Variants in TBL1X observed in about 807,000 individuals in gnomAD.
TBL1X encodes the protein transducin beta like 1 X-linked, also known as F-box-like/WD repeat-containing protein TBL1X.
TBL1X carries 10 observed loss-of-function variants against 50.7 expected under a neutral mutation model. That is an observed-to-expected ratio of 0.20 (90% CI 0.12 to 0.33). The LOEUF is 0.33. TBL1X is among the 10% of genes least tolerant of loss of function. TBL1X has a pLI of 1.00. For missense variants in TBL1X, 340 were observed against 504.4 expected (o/e 0.67, Z 3.12); for synonymous variants, 190 against 214.7 (o/e 0.88, Z 1.01).
intron 2 of TBL1X, among the ~76,000 whole-genome samples, chrX:9,557,108 G>C (rs1166352000): frequency 8.9e-6 from 1 of 112,051 alleles, no homozygotes. Flanking sequence ...TCAGGATGTG[G>C]ACACCTTGGG....
intron 2 of TBL1X, among the ~76,000 whole-genome samples, chrX:9,540,825 ACT>A (rs1832441840): frequency 8.9e-6 from 1 of 111,943 alleles, no homozygotes; most frequent in Non-Finnish European, 1.9e-5. Flanking sequence ...AGGAAATATT[ACT>A]CTTAGTTGGT....
At chrX:9,518,377 C>G (rs1192682083) in intron 2 of TBL1X, among the ~76,000 whole-genome samples, 1 of 111,975 alleles carries the variant, frequency 8.9e-6, no homozygotes, top group Non-Finnish European at 1.9e-5. Context: ...CTTGGACTTT[C>G]ACCTCTCCTG....
chrX:9,693,563 T>A, intron 11 of TBL1X, 144 bp downstream of exon 11: 1 of 594,546 alleles, frequency 1.7e-6, no homozygotes, highest in South Asian at 3.1e-5. Flanking sequence ...GCTTTGTTTT[T>A]GTGGTTTTGA....
At chrX:9,665,067 A>G (rs1569091435) in intron 5 of TBL1X, among the ~76,000 whole-genome samples, 1 of 109,348 alleles carries the variant, frequency 9.1e-6, no homozygotes, top group Non-Finnish European at 1.9e-5. Flanking sequence ...TGGCATTCTG[A>G]TTTCTTTGCC....
At chrX:9,573,442 G>T (rs1162792021) in intron 2 of TBL1X, among the ~76,000 whole-genome samples, 1 of 112,411 alleles carries the variant, frequency 8.9e-6, no homozygotes, top group Non-Finnish European at 1.9e-5. Flanking sequence ...CACTTTGCAC[G>T]CTGTAGCTAT....
At chrX:9,603,098 T>A (rs985525463) in intron 2 of TBL1X, among the ~76,000 whole-genome samples, 2 of 112,466 alleles carry the variant, frequency 1.8e-5, no homozygotes, top group African/African-American at 6.5e-5. Context: ...CCTGATCCTT[T>A]CCAGAAGTGT....
At chrX:9,681,824 A>G (rs1265326056) in intron 5 of TBL1X, among the ~76,000 whole-genome samples, 1 of 112,802 alleles carries the variant, frequency 8.9e-6, no homozygotes, top group African/African-American at 3.2e-5. Flanking sequence ...AAACTGAGCA[A>G]CAGGAGGCTG....
chrX:9,698,450 C>T (rs189738192), intron 12 of TBL1X, among the ~76,000 whole-genome samples: 44 of 111,845 alleles, frequency 3.9e-4, no homozygotes, highest in African/African-American at 1.3e-3. Context: ...TCCAGAGCTT[C>T]GAAGGCTCCT....
At position 9,527,156 on chromosome X, in the gene TBL1X, T is replaced by G. The variant is rs936461522; in HGVS notation, c.-131+25307T>G. Among the ~76,000 whole-genome samples the G allele has an allele frequency of 5.4e-5, 6 of 111,909 alleles. No individual in the cohort carries two copies. In the South Asian group the frequency reaches 2.2e-3, roughly 41 times the overall value. ...AAGCCCTTTGCTTCCCTAGCCCACG[T>G]TGGTGTAGGGTGGGCCGAGAGGGGG... On this transcript the variant is annotated intron_variant, in intron 2 of 17. Transcript: ENST00000645353.
In TBL1X at chrX:9,546,391, G is replaced by A. The variant is rs183113484; in HGVS notation, c.-131+44542G>A. ...TAGCTGGGCGTGGTGGCGGGCGCCT[G>A]TAGTCCCAGCTACTGGGGAGGCTAA... On this transcript the variant is annotated intron_variant, in intron 2 of 17. Coordinates refer to ENST00000645353, the MANE Select transcript of TBL1X (RefSeq NM_005647.4). Among the ~76,000 whole-genome samples, 250 of 111,805 alleles carry A rather than the reference G, an allele frequency of 2.2e-3. 1 individual carries two copies. The highest frequency in any genetic ancestry group is 6.9e-3 in the African/African-American group (211 of 30,737).
chrX:9,715,584 G>A (rs762320719), intron 17 of TBL1X, among the ~76,000 whole-genome samples: 2 of 112,055 alleles, frequency 1.8e-5, no homozygotes, highest in Non-Finnish European at 3.8e-5. Context: ...TAATCTTACA[G>A]GACCACTGCG....
chrX:9,604,614 G>A (rs755496903), intron 2 of TBL1X, among the ~76,000 whole-genome samples: 1 of 111,296 alleles, frequency 9.0e-6, no homozygotes, highest in East Asian at 2.9e-4. Flanking sequence ...GGGTCTGAGA[G>A]CCTGCTGTTG....
At position 9,473,210 on chromosome X, in the gene TBL1X, G is replaced by T. The variant is rs140969695; in HGVS notation, c.-201+7763G>T. On this transcript the variant is annotated intron_variant, in intron 1 of 17. Transcript: ENST00000645353. ...AGATTGTATTTCCCGAAAGCGTAGAGAATTGATATCCCTGAATAGGAAATT... is the reference window on the plus strand; with the variant it reads ...AGATTGTATTTCCCGAAAGCGTAGATAATTGATATCCCTGAATAGGAAATT... 6.8e-4 allele frequency among the ~76,000 whole-genome samples: 76 copies of T among 112,056 alleles called. 1 individual carries two copies. In the East Asian group the frequency reaches 0.02, roughly 29 times the overall value.
intron 2 of TBL1X, among the ~76,000 whole-genome samples, chrX:9,566,186 CT>C (rs2082350455): frequency 9.0e-6 from 1 of 111,500 alleles, no homozygotes; most frequent in Non-Finnish European, 1.9e-5. Context: ...AGGACCTGTC[CT>C]GTGTGTTGTG....
chrX:9,666,520 T>C (rs2082931955), intron 5 of TBL1X, among the ~76,000 whole-genome samples: 1 of 112,283 alleles, frequency 8.9e-6, no homozygotes, highest in African/African-American at 3.2e-5. Context: ...ATTTAAAATA[T>C]TATTGGTAAA....
chrX:9,514,043 C>T (rs183087460), intron 2 of TBL1X, among the ~76,000 whole-genome samples: 122 of 110,498 alleles, frequency 1.1e-3, no homozygotes, highest in Non-Finnish European at 1.3e-3. Context: ...CACCAGGCCC[C>T]ACCTCCAGCA....
At chrX:9,631,058 A>G (rs1030449648) in intron 2 of TBL1X, among the ~76,000 whole-genome samples, 3 of 112,125 alleles carry the variant, frequency 2.7e-5, no homozygotes, top group African/African-American at 9.7e-5. Context: ...GGTTTGTTAT[A>G]GACAGCATAG....
intron 6 of TBL1X, among the ~76,000 whole-genome samples, chrX:9,686,373 T>C (rs1181610242): frequency 8.9e-6 from 1 of 112,238 alleles, no homozygotes; most frequent in Non-Finnish European, 1.9e-5. Flanking sequence ...AATGAAAGAC[T>C]GTCCCATTTG....
chrX:9,573,612 C>T (rs2082396156), intron 2 of TBL1X, among the ~76,000 whole-genome samples: 1 of 112,639 alleles, frequency 8.9e-6, no homozygotes, highest in South Asian at 3.6e-4. Context: ...CAGGGGCTGG[C>T]GTGACCTCAT....
Sources: allele counts gnomAD v4.1 joint callset (sites outside exome capture counted in the v4.1 genomes callset), GRCh38; gene constraint gnomAD v4.1.1; transcripts MANE v1.5; gene names NCBI Gene and HGNC (gene_info 2026-07-23, HGNC 2026-07-21).